NBPF3: variants seen among roughly 807,000 people sequenced by gnomAD.
The protein encoded by NBPF3 is NBPF family member NBPF3.
In NBPF3, 57 loss-of-function variants were observed where a neutral mutation model predicts 78.1. That is an observed-to-expected ratio of 0.73 (90% CI 0.59 to 0.91). NBPF3 has a LOEUF of 0.91. Ranked by LOEUF, NBPF3 falls within the 40% of genes least tolerant of loss-of-function variation. NBPF3 has a pLI of 0.00. For missense variants in NBPF3, 510 were observed against 715.3 expected, an observed-to-expected ratio of 0.71 and a Z score of 3.27; for synonymous variants, 182 against 271.7, an observed-to-expected ratio of 0.67 and a Z score of 3.25.
intron 8 of NBPF3, among the ~76,000 whole-genome samples, chr1:21,477,259 C>T (rs1434376254): frequency 6.6e-6 from 1 of 152,190 alleles, no homozygotes; most frequent in Non-Finnish European, 1.5e-5. Flanking sequence ...TTACCGACTT[C>T]TGAAGCCTAC....
intron 10 of NBPF3, 130 bp downstream of exon 10, chr1:21,479,530 T>C: frequency 3.6e-6 from 3 of 829,404 alleles, no homozygotes; most frequent in East Asian, 2.5e-5. Context: ...TCTACTAACA[T>C]TGCTTTTGGT....
intron 2 of NBPF3, chr1:21,452,011 C>A: frequency 5.8e-6 from 1 of 170,952 alleles, no homozygotes; most frequent in Non-Finnish European, 1.2e-5. Flanking sequence ...AGCCCATATG[C>A]TAGCTGAGAA....
At position 21,445,130 on chromosome 1, in the gene NBPF3, G is replaced by A. The variant is rs147951936; in HGVS notation, c.44G>A (p.Arg15Gln). Reference protein sequence around the residue: ...PTVQGFQWTLRGPDVETSPFG... With the variant: ...PTVQGFQWTLQGPDVETSPFG... ...GTCCAGGGCTTCCAGTGGACTCTCCGAGGCCCTGATGTAGAAACTTCCCCA... is the reference window on the plus strand; with the variant it reads ...GTCCAGGGCTTCCAGTGGACTCTCCAAGGCCCTGATGTAGAAACTTCCCCA... Residue 15 changes from arginine (R) to glutamine (Q), a missense_variant, in exon 2 of 15, where the codon CGA (arginine) becomes CAA (glutamine). Arg to Gln is a conservative substitution (Grantham distance 43). Around this residue, in one of 5 missense-constraint regions of NBPF3, gnomAD observed 440 missense variants for 478.2 expected, o/e 0.92. Transcript: ENST00000318249. 20 of 1,611,760 alleles carry A rather than the reference G, an allele frequency of 1.2e-5. No individual in the cohort carries two copies. Among genetic ancestry groups the A allele is most frequent in the South Asian group, 2.2e-5 (2 of 90,982 alleles).
chr1:21,455,109 A>G (rs906550120), intron 2 of NBPF3, among the ~76,000 whole-genome samples: 1 of 152,218 alleles, frequency 6.6e-6, no homozygotes, highest in Non-Finnish European at 1.5e-5. Context: ...TCCTCCAGCC[A>G]GCAGAGGAGG....
rs1643367659 is a variant in NBPF3, at chr1:21,484,297, G to T, written c.*911G>T. Reference sequence around the variant, plus strand: ...TTCAGAAGAAGTAAATGATAATGTAGCTACATTTCTTTAGTTATTTTGAAC... The same window carrying T: ...TTCAGAAGAAGTAAATGATAATGTATCTACATTTCTTTAGTTATTTTGAAC... On this transcript the variant is annotated 3_prime_UTR_variant, in exon 15 of 15. Coordinates refer to ENST00000318249, the MANE Select transcript of NBPF3 (RefSeq NM_032264.6). 1 of 146,648 alleles carries T rather than the reference G, an allele frequency of 6.8e-6. No individual in the cohort carries two copies. Among genetic ancestry groups the T allele is most frequent in the Non-Finnish European group, 1.5e-5 (1 of 66,734 alleles). 9.1% of individuals were successfully genotyped at this position (146,648 alleles called of 1,614,324 possible). A position where few individuals can be genotyped will look rare whatever the true frequency, so the allele number is the denominator to read the frequency against.
At position 21,481,505 on chromosome 1, in the gene NBPF3, A is replaced by G. The variant is rs565585063; in HGVS notation, c.1434-92A>G. ...AATGGATGTATCCTTTTTCTTTTTT[A>G]ACCACTTCCTAATGCTACCCATGAA... On this transcript the variant is annotated intron_variant, in intron 12 of 14. Transcript: ENST00000318249. 64 of 1,436,806 alleles carry G rather than the reference A, an allele frequency of 4.5e-5. No homozygotes were observed. The East Asian group carries it at 1.4e-3, about 32-fold the overall frequency. The allele number at this position is 1,436,806 out of a possible 1,614,324, so 89.0% of individuals were successfully genotyped here.
At chr1:21,471,481 C>G in intron 4 of NBPF3, 88 bp from the exon 5 acceptor site, 1 of 1,596,282 alleles carries the variant, frequency 6.3e-7, no homozygotes, top group Non-Finnish European at 8.6e-7. Context: ...TCCTTGAGGA[C>G]ATTGTCTCAG....
intron 1 of NBPF3, chr1:21,440,838 C>T (rs1461926293): frequency 1.3e-5 from 2 of 152,336 alleles, no homozygotes; most frequent in Admixed American, 1.3e-4. Context: ...CCAGGATGCA[C>T]ATGAGGAGCG....
intron 1 of NBPF3, among the ~76,000 whole-genome samples, chr1:21,442,660 A>C (rs1195547841): frequency 6.7e-6 from 1 of 149,614 alleles, no homozygotes. Context: ...ATTTTATTTC[A>C]GTTTTTGCAT....
At chr1:21,467,159 G>A (rs1642317721) in intron 2 of NBPF3, 4 of 985,178 alleles carry the variant, frequency 4.1e-6, no homozygotes, top group East Asian at 1.1e-4. Flanking sequence ...CCGTTGATAC[G>A]TCTTAAAGCG....
intron 2 of NBPF3, chr1:21,468,466 C>T: frequency 7.0e-7 from 1 of 1,424,726 alleles, no homozygotes; most frequent in South Asian, 1.5e-5. Flanking sequence ...ACTGGCCTCA[C>T]TCTTGTCGGA....
chr1:21,437,432 A>G, upstream of NBPF3: 5 of 1,321,902 alleles, frequency 3.8e-6, no homozygotes, highest in Non-Finnish European at 5.1e-6. Flanking sequence ...AGAGGAACAG[A>G]TGTAGCGCCT....
chr1:21,473,644 A>C lies in NBPF3; in HGVS notation c.940+59A>C, dbSNP rs1313178378. ...CCTATGCTGAGGAATATAAACTCTG[A>C]AGACAGGCTCTATACACACAGATTG... On this transcript the variant is annotated intron_variant, in intron 7 of 14. Transcript: ENST00000318249. The C allele has an allele frequency of 6.4e-6, 9 of 1,401,602 alleles. No individual in the cohort carries two copies. The African/African-American group carries it at 9.9e-5, about 15-fold the overall frequency. 86.8% of individuals were successfully genotyped at this position (1,401,602 alleles called of 1,614,324 possible). A position where few individuals can be genotyped will look rare whatever the true frequency, so the allele number is the denominator to read the frequency against.
chr1:21,472,899 G>A lies in NBPF3; in HGVS notation c.718G>A (p.Glu240Lys). Residue 240 changes from glutamate (E) to lysine (K), a missense_variant, in exon 6 of 15, where the codon GAA becomes AAA. Around this residue, in one of 5 missense-constraint regions of NBPF3, gnomAD observed 440 missense variants for 478.2 expected, o/e 0.92. Coordinates refer to ENST00000318249, the MANE Select transcript of NBPF3 (RefSeq NM_032264.6). Reference sequence around the variant, plus strand: ...AGTTGAGGAGGCTGAGAAAGTACAGGAATTATATGCCCCCAGGTAACGCTG... The same window carrying A: ...AGTTGAGGAGGCTGAGAAAGTACAGAAATTATATGCCCCCAGGTAACGCTG... ...VKVEEAEKVQ[E>K]LYAPREVQKA... is the part of the protein sequence containing the mutation. 1.2e-6 allele frequency: 2 copies of A among 1,611,834 alleles called. No homozygotes were observed. Among genetic ancestry groups the A allele is most frequent in the Non-Finnish European group, 1.7e-6 (2 of 1,177,930 alleles).
At chr1:21,442,098 A>C (rs1265923107) in intron 1 of NBPF3, 1 of 152,018 alleles carries the variant, frequency 6.6e-6, no homozygotes, top group African/African-American at 2.4e-5. Context: ...GTTGATTTGT[A>C]ATACTTTATT....
At chr1:21,458,730 G>A (rs1641777706) in intron 2 of NBPF3, among the ~76,000 whole-genome samples, 1 of 152,206 alleles carries the variant, frequency 6.6e-6, no homozygotes, top group Non-Finnish European at 1.5e-5. Flanking sequence ...GACCTGAAGT[G>A]ACAGCGGCTC....
chr1:21,471,000 G>T lies in NBPF3; in HGVS notation c.446+266G>T, dbSNP rs570634055. Among the ~76,000 whole-genome samples the T allele has an allele frequency of 3.3e-5, 5 of 152,274 alleles. No individual in the cohort carries two copies. The East Asian group carries it at 7.7e-4, about 24-fold the overall frequency. On this transcript the variant is annotated intron_variant, in intron 4 of 14. Transcript: ENST00000318249. ...TGCGCATAACACAAAATTAACCGAA[G>T]GAGTGGGAACCACCGAGCAGCATTC...
At chr1:21,466,850 G>A in intron 2 of NBPF3, 1 of 294,238 alleles carries the variant, frequency 3.4e-6, no homozygotes, top group Non-Finnish European at 5.0e-6. Flanking sequence ...AAGATACAAT[G>A]TCCAAATGTA....
chr1:21,436,905 C>T (rs1290801612), upstream of NBPF3: 2 of 318,400 alleles, frequency 6.3e-6, no homozygotes, highest in Non-Finnish European at 1.1e-5. The surrounding 1 kb of genome is among the most constrained non-coding windows in gnomAD (Gnocchi z 4.3). Context: ...CGGGGAGGTC[C>T]GGCGGAGGAG....
Sources: gnomAD v4.1 joint callset for allele counts (sites outside exome capture counted in the v4.1 genomes callset) on GRCh38, gnomAD v4.1.1 for gene constraint, gnomAD v4.1.1 regional missense constraint, Gnocchi (gnomAD v3.1) non-coding constraint, MANE v1.5 for transcripts, NCBI Gene and HGNC (gene_info 2026-07-23, HGNC 2026-07-21) for gene names.